Variants in MARCHF1 observed in about 807,000 individuals in gnomAD.
The protein encoded by MARCHF1 is E3 ubiquitin-protein ligase MARCHF1.
Under a neutral mutation model 54.2 loss-of-function variants are expected in MARCHF1, and 40 were observed. The observed-to-expected ratio is 0.74, with a 90% CI of 0.57 to 0.96. The LOEUF is 0.96. Among genes scored for constraint, MARCHF1 ranks in the 40% least tolerant of loss-of-function variants. The pLI is 0.00. For missense variants in MARCHF1, 586 were observed against 656.5 expected (o/e 0.89, Z 1.17); for synonymous variants, 236 against 236.3 (o/e 1.00, Z 0.01).
intron 1 of MARCHF1, among the ~76,000 whole-genome samples, chr4:164,192,230 T>C (rs1183155291): frequency 6.6e-6 from 1 of 152,212 alleles, no homozygotes; most frequent in Non-Finnish European, 1.5e-5. Flanking sequence ...AAGTTCATAG[T>C]GTCTGTAACC....
intron 2 of MARCHF1, among the ~76,000 whole-genome samples, chr4:164,089,553 A>G (rs890102734): frequency 6.6e-6 from 1 of 152,176 alleles, no homozygotes; most frequent in East Asian, 1.9e-4. Context: ...ATTAAATTAT[A>G]CACACTAAAT....
chr4:163,645,898 A>G (rs1742741484), intron 5 of MARCHF1, among the ~76,000 whole-genome samples: 1 of 152,152 alleles, frequency 6.6e-6, no homozygotes, highest in Non-Finnish European at 1.5e-5. Context: ...TTTTACACCA[A>G]CCCAATACAA....
chr4:164,146,478 T>A (rs145474694), intron 1 of MARCHF1, among the ~76,000 whole-genome samples: 6,985 of 152,186 alleles, frequency 0.046, 223 homozygotes, highest in Middle Eastern at 0.15. Flanking sequence ...AACAGAGATA[T>A]AGATCAATGG....
chr4:163,573,373 A>T (rs1739909991), intron 8 of MARCHF1, among the ~76,000 whole-genome samples: 1 of 151,058 alleles, frequency 6.6e-6, no homozygotes, highest in Non-Finnish European at 1.5e-5. Flanking sequence ...CAGGTTAGTT[A>T]CACGTGTATA....
At chr4:164,070,218 C>T (rs184649026) in intron 2 of MARCHF1, among the ~76,000 whole-genome samples, 3 of 151,972 alleles carry the variant, frequency 2.0e-5, no homozygotes, top group East Asian at 1.9e-4. Flanking sequence ...AAACATATAC[C>T]CCCTATATCT....
chr4:164,019,881 A>C (rs899672507), intron 2 of MARCHF1, among the ~76,000 whole-genome samples: 11 of 152,192 alleles, frequency 7.2e-5, no homozygotes, highest in African/African-American at 2.7e-4. Flanking sequence ...AGTGTTAGTG[A>C]AATGTCCAAC....
chr4:164,301,098 G>A (rs1431269181), intron 1 of MARCHF1, among the ~76,000 whole-genome samples: 1 of 152,036 alleles, frequency 6.6e-6, no homozygotes, highest in African/African-American at 2.4e-5. Flanking sequence ...ATCTTAAAGT[G>A]CCCTTATGCA....
chr4:163,952,061 T>A (rs1752143730), intron 3 of MARCHF1, among the ~76,000 whole-genome samples: 1 of 152,166 alleles, frequency 6.6e-6, no homozygotes, highest in Admixed American at 6.5e-5. Context: ...ATTCTATTGA[T>A]CTCCTACCCC....
intron 3 of MARCHF1, among the ~76,000 whole-genome samples, chr4:163,964,378 A>G (rs947553132): frequency 1.3e-5 from 2 of 152,006 alleles, no homozygotes; most frequent in African/African-American, 4.8e-5. Flanking sequence ...ACTCAATGTG[A>G]GTAATTACTA....
intron 3 of MARCHF1, among the ~76,000 whole-genome samples, chr4:163,988,109 G>A (rs550921740): frequency 4.5e-4 from 68 of 152,108 alleles, no homozygotes; most frequent in Admixed American, 2.0e-3. Context: ...CTAGTTTAAT[G>A]GGCAGTGAGG....
At chr4:164,349,239 G>T (rs565261574) in intron 1 of MARCHF1, among the ~76,000 whole-genome samples, 1 of 152,090 alleles carries the variant, frequency 6.6e-6, no homozygotes, top group South Asian at 2.1e-4. Flanking sequence ...CAAATGAATT[G>T]AAAGTTAATT....
intron 4 of MARCHF1, among the ~76,000 whole-genome samples, chr4:163,731,642 G>T (rs1420528915): frequency 6.6e-6 from 1 of 152,156 alleles, no homozygotes; most frequent in Non-Finnish European, 1.5e-5. Context: ...CCAGAGATCT[G>T]CAGGAGATCT....
chr4:163,861,269 A>C (rs1009249340), intron 3 of MARCHF1, among the ~76,000 whole-genome samples: 3 of 152,208 alleles, frequency 2.0e-5, no homozygotes, highest in Non-Finnish European at 4.4e-5. Flanking sequence ...AAAAGAGAAC[A>C]AAGAATGGAG....
chr4:164,306,120 G>GA (rs202018122), intron 1 of MARCHF1, among the ~76,000 whole-genome samples: 11 of 151,388 alleles, frequency 7.3e-5, no homozygotes, highest in Admixed American at 4.6e-4. Context: ...GAATAAAATG[G>GA]AAAAAAAATA....
At chr4:164,080,491 A>C (rs1755072249) in intron 2 of MARCHF1, among the ~76,000 whole-genome samples, 1 of 152,128 alleles carries the variant, frequency 6.6e-6, no homozygotes, top group South Asian at 2.1e-4. Context: ...AGAGGAAAAA[A>C]ATAGAGCATA....
intron 1 of MARCHF1, among the ~76,000 whole-genome samples, chr4:164,347,270 C>A (rs1730136693): frequency 6.6e-6 from 1 of 152,160 alleles, no homozygotes; most frequent in Non-Finnish European, 1.5e-5. Flanking sequence ...CATCATTTTT[C>A]ATTGTCAGAG....
intron 1 of MARCHF1, among the ~76,000 whole-genome samples, chr4:164,166,769 G>A (rs1173563786): frequency 6.6e-6 from 1 of 151,696 alleles, no homozygotes; most frequent in Admixed American, 6.6e-5. Flanking sequence ...ACCAAAAGCT[G>A]TTAGATGCAA....
chr4:163,882,417 C>T (rs1750435936), intron 3 of MARCHF1, among the ~76,000 whole-genome samples: 2 of 152,190 alleles, frequency 1.3e-5, no homozygotes, highest in South Asian at 4.1e-4. Context: ...TAAATGCCTG[C>T]CTTCAGGCAA....
rs1208048123 is a variant in MARCHF1, at chr4:163,527,079, C to T, written c.*1669G>A. The T allele has an allele frequency of 1.3e-5, 2 of 151,944 alleles. No homozygotes were observed. Among genetic ancestry groups the T allele is most frequent in the Non-Finnish European group, 1.5e-5 (1 of 67,920 alleles). 9.4% of individuals were successfully genotyped at this position (151,944 alleles called of 1,614,324 possible). A position where few individuals can be genotyped will look rare whatever the true frequency, so the allele number is the denominator to read the frequency against. ...CTCATGCTTTGGTTCTTATGGCCAT[C>T]ATTGCCTTTTCATGTTAATAAATAA... On this transcript the variant is annotated 3_prime_UTR_variant, in exon 10 of 10. Transcript: ENST00000514618.
Sources: allele counts gnomAD v4.1 joint callset (sites outside exome capture counted in the v4.1 genomes callset), GRCh38; gene constraint gnomAD v4.1.1; transcripts MANE v1.5; gene names NCBI Gene and HGNC (gene_info 2026-07-23, HGNC 2026-07-21).